LRRC69: variants seen among roughly 807,000 people sequenced by gnomAD.
LRRC69 encodes leucine-rich repeat-containing protein 69.
Under a neutral mutation model 37.8 loss-of-function variants are expected in LRRC69, and 42 were observed. That is an observed-to-expected ratio of 1.11 (90% CI 0.87 to 1.44). The LOEUF (loss-of-function observed/expected upper bound fraction) is 1.44, where lower values mean the gene tolerates loss of function less well. Ranked by LOEUF, LRRC69 falls within the 40% of genes most tolerant of loss-of-function variation. LRRC69 has a pLI of 0.00. For missense variants in LRRC69, 357 were observed against 401.9 expected (o/e 0.89, Z 0.96); for synonymous variants, 141 against 143.1 (o/e 0.99, Z 0.11).
chr8:91,192,231 T>G (rs907785137), intron 6 of LRRC69, among the ~76,000 whole-genome samples: 1 of 152,122 alleles, frequency 6.6e-6, no homozygotes, highest in African/African-American at 2.4e-5. Context: ...ACATTTTCTT[T>G]ATCCAGTCTA....
intron 7 of LRRC69, among the ~76,000 whole-genome samples, chr8:91,206,201 C>T (rs1262523498): frequency 6.6e-6 from 1 of 152,184 alleles, no homozygotes; most frequent in African/African-American, 2.4e-5. Context: ...CAACATATTA[C>T]ATCTCTATGT....
At chr8:91,105,557 C>T (rs927827839) in intron 1 of LRRC69, among the ~76,000 whole-genome samples, 2 of 151,510 alleles carry the variant, frequency 1.3e-5, no homozygotes, top group Middle Eastern at 3.4e-3. Flanking sequence ...GTGGCACGTG[C>T]CTCTGGTCCC....
chr8:91,116,869 T>C (rs1487880495), intron 1 of LRRC69, among the ~76,000 whole-genome samples: 1 of 152,086 alleles, frequency 6.6e-6, no homozygotes, highest in Non-Finnish European at 1.5e-5. Context: ...AAATTTCTTG[T>C]CTTCTCTCTT....
intron 5 of LRRC69, among the ~76,000 whole-genome samples, chr8:91,153,054 A>C (rs1808769185): frequency 6.6e-6 from 1 of 151,384 alleles, no homozygotes; most frequent in African/African-American, 2.4e-5. Flanking sequence ...AATGGCAAGC[A>C]GATAAAAGCA....
At chr8:91,159,552 T>A (rs1296537970) in intron 5 of LRRC69, among the ~76,000 whole-genome samples, 4 of 151,174 alleles carry the variant, frequency 2.6e-5, no homozygotes, top group African/African-American at 9.7e-5. Flanking sequence ...ACACTCTAGC[T>A]GAAAGAGCAA....
intron 3 of LRRC69, among the ~76,000 whole-genome samples, chr8:91,132,717 T>C (rs1239908412): frequency 1.3e-5 from 2 of 152,018 alleles, no homozygotes; most frequent in African/African-American, 4.8e-5. Flanking sequence ...GTACTAGGTA[T>C]ATTTATGTCT....
chr8:91,204,753 T>C (rs1809771182), intron 7 of LRRC69, among the ~76,000 whole-genome samples: 1 of 152,364 alleles, frequency 6.6e-6, no homozygotes, highest in Non-Finnish European at 1.5e-5. Flanking sequence ...TTCTAACTCC[T>C]GGATGAGATC....
intron 5 of LRRC69, chr8:91,158,170 A>G: frequency 6.2e-7 from 1 of 1,604,176 alleles, no homozygotes; most frequent in Non-Finnish European, 8.5e-7. Context: ...AAAGATCTGG[A>G]GCTGGAACAG....
intron 5 of LRRC69, among the ~76,000 whole-genome samples, chr8:91,141,305 G>C (rs1315838038): frequency 6.6e-6 from 1 of 152,016 alleles, no homozygotes; most frequent in Non-Finnish European, 1.5e-5. Flanking sequence ...CTTCTTAGAA[G>C]GATACCAGTC....
intron 6 of LRRC69, among the ~76,000 whole-genome samples, chr8:91,198,488 A>G (rs1410354021): frequency 1.3e-5 from 2 of 152,236 alleles, no homozygotes; most frequent in African/African-American, 4.8e-5. Flanking sequence ...TCCAAAATGT[A>G]TCACTCCTAA....
intron 5 of LRRC69, among the ~76,000 whole-genome samples, chr8:91,165,074 C>T (rs1414268881): frequency 6.6e-6 from 1 of 151,590 alleles, no homozygotes; most frequent in African/African-American, 2.4e-5. Context: ...GGTGAATAGA[C>T]ATTTTGTGCC....
At chr8:91,126,376 A>AT (rs1213620654) in intron 2 of LRRC69, among the ~76,000 whole-genome samples, 2 of 151,532 alleles carry the variant, frequency 1.3e-5, no homozygotes, top group Non-Finnish European at 2.9e-5. Flanking sequence ...AGTTGATTCT[A>AT]TTTTTTTTGC....
At chr8:91,196,317 T>C (rs1370336469) in intron 6 of LRRC69, among the ~76,000 whole-genome samples, 1 of 151,818 alleles carries the variant, frequency 6.6e-6, no homozygotes, top group Non-Finnish European at 1.5e-5. Flanking sequence ...CTGACAATTA[T>C]GTGTCTTGGA....
At chr8:91,135,054 A>G (rs544035709) in intron 4 of LRRC69, among the ~76,000 whole-genome samples, 27 of 152,106 alleles carry the variant, frequency 1.8e-4, no homozygotes, top group Non-Finnish European at 3.5e-4. Context: ...AAGTAATGCT[A>G]TGAAGTGTTT....
At chr8:91,152,326 C>T (rs560376441) in intron 5 of LRRC69, among the ~76,000 whole-genome samples, 3 of 151,656 alleles carry the variant, frequency 2.0e-5, no homozygotes, top group African/African-American at 7.2e-5. Flanking sequence ...GGAAGGGGTG[C>T]AGTTTCAGTT....
chr8:91,177,593 C>G (rs1412643785), intron 5 of LRRC69, among the ~76,000 whole-genome samples: 1 of 152,102 alleles, frequency 6.6e-6, no homozygotes, highest in Non-Finnish European at 1.5e-5. Flanking sequence ...GAACACTGTT[C>G]TGAAACACTG....
intron 5 of LRRC69, among the ~76,000 whole-genome samples, chr8:91,173,677 T>A (rs1809172884): frequency 6.6e-6 from 1 of 152,060 alleles, no homozygotes; most frequent in Non-Finnish European, 1.5e-5. Context: ...GTTTATAAAT[T>A]TGGGATGTTC....
At chr8:91,151,703 C>T (rs947619183) in intron 5 of LRRC69, among the ~76,000 whole-genome samples, 1 of 151,614 alleles carries the variant, frequency 6.6e-6, no homozygotes, top group African/African-American at 2.4e-5. Context: ...GGTTCTAGAT[C>T]ATTGAGGAAT....
intron 5 of LRRC69, among the ~76,000 whole-genome samples, chr8:91,179,612 C>A (rs1809290812): frequency 6.6e-6 from 1 of 152,186 alleles, no homozygotes; most frequent in South Asian, 2.1e-4. Context: ...ATTTATATAG[C>A]AAACATTCTT....
Sources: gnomAD v4.1 joint callset for allele counts (sites outside exome capture counted in the v4.1 genomes callset) on GRCh38, gnomAD v4.1.1 for gene constraint, MANE v1.5 for transcripts, NCBI Gene and HGNC (gene_info 2026-07-23, HGNC 2026-07-21) for gene names.